The following XKR4 variants were observed in gnomAD, a reference collection of about 807,000 sequenced individuals.
The protein encoded by XKR4 is XK related 4.
Under a neutral mutation model 53.9 loss-of-function variants are expected in XKR4, and 12 were observed. The observed-to-expected ratio is 0.22, with a 90% CI of 0.14 to 0.36. The LOEUF is 0.36. Among genes scored for constraint, XKR4 ranks in the 10% least tolerant of loss-of-function variants. XKR4 has a pLI of 1.00. For missense variants in XKR4, 799 were observed against 859.5 expected (o/e 0.93, Z 0.88); for synonymous variants, 354 against 362.4 (o/e 0.98, Z 0.26).
intron 1 of XKR4, among the ~76,000 whole-genome samples, chr8:55,318,310 C>A (rs1475716565): frequency 9.2e-5 from 14 of 152,188 alleles, no homozygotes; most frequent in African/African-American, 3.4e-4. Flanking sequence ...ATAAATATCT[C>A]AAACATCAAT....
At chr8:55,165,107 G>A (rs1382708188) in intron 1 of XKR4, among the ~76,000 whole-genome samples, 1 of 152,166 alleles carries the variant, frequency 6.6e-6, no homozygotes, top group Non-Finnish European at 1.5e-5. Flanking sequence ...TGAAAATTCA[G>A]TATGCTTGTT....
Position 55,274,099 on chromosome 8 carries a change from G to A in XKR4, c.807-83579G>A, listed in dbSNP as rs750129935. ...GAAATCAGGGCATTGAGCAAGTTCA[G>A]GACCTGAAGCAAGATAAAGATGATT... On this transcript the variant is annotated intron_variant, in intron 1 of 2. Transcript: ENST00000327381. Among the ~76,000 whole-genome samples the A allele has an allele frequency of 6.6e-5, 10 of 152,184 alleles. 1 individual carries two copies. The highest frequency in any genetic ancestry group is 2.0e-4 in the Admixed American group (3 of 15,284).
chr8:55,480,319 G>C (rs1337688501), intron 2 of XKR4, among the ~76,000 whole-genome samples: 2 of 152,152 alleles, frequency 1.3e-5, no homozygotes, highest in Non-Finnish European at 2.9e-5. Context: ...TATCTCAATA[G>C]ATGCAGAAAA....
At chr8:55,242,961 A>G (rs1206309191) in intron 1 of XKR4, among the ~76,000 whole-genome samples, 1 of 152,242 alleles carries the variant, frequency 6.6e-6, no homozygotes, top group African/African-American at 2.4e-5. Context: ...TAATAAAACT[A>G]ATACCTGGGG....
chr8:55,389,726 T>C (rs1804417337), intron 2 of XKR4, among the ~76,000 whole-genome samples: 1 of 152,204 alleles, frequency 6.6e-6, no homozygotes, highest in Admixed American at 6.5e-5. Flanking sequence ...TGCCAGACTC[T>C]TGTAGTCTCA....
intron 1 of XKR4, among the ~76,000 whole-genome samples, chr8:55,250,604 C>T (rs1818350269): frequency 6.6e-6 from 1 of 152,152 alleles, no homozygotes; most frequent in African/African-American, 2.4e-5. Context: ...CCTACCTGGC[C>T]TAACTGGCTG....
intron 1 of XKR4, among the ~76,000 whole-genome samples, chr8:55,305,328 T>C (rs1475150305): frequency 6.6e-6 from 1 of 152,124 alleles, no homozygotes; most frequent in Non-Finnish European, 1.5e-5. Flanking sequence ...ATCTCATATG[T>C]GGCAGGGTGG....
At chr8:55,161,525 T>C in intron 1 of XKR4, 1 of 456,106 alleles carries the variant, frequency 2.2e-6, no homozygotes, top group South Asian at 1.5e-5. Context: ...AAGGGCAGGA[T>C]GAGCAGCGCT....
Position 55,157,677 on chromosome 8 carries a change from C to T in XKR4, c.806+54383C>T, listed in dbSNP as rs1816927072. On this transcript the variant is annotated intron_variant, in intron 1 of 2. Transcript: ENST00000327381. Reference sequence around the variant, plus strand: ...TTTTTTATTCTCACCCTCTTCCCACCCTGCACCCTCAAGTAGGCCCCAATG... The same window carrying T: ...TTTTTTATTCTCACCCTCTTCCCACTCTGCACCCTCAAGTAGGCCCCAATG... Among the ~76,000 whole-genome samples the T allele has an allele frequency of 3.3e-5, 5 of 152,060 alleles. No individual in the cohort carries two copies. The South Asian group carries it at 1.0e-3, about 32-fold the overall frequency.
chr8:55,384,486 G>A (rs932457377), intron 2 of XKR4, among the ~76,000 whole-genome samples: 4 of 152,190 alleles, frequency 2.6e-5, no homozygotes, highest in Admixed American at 2.0e-4. Context: ...CATCTGAACT[G>A]CTGAAATATT....
chr8:55,407,226 C>A (rs143015770), intron 2 of XKR4, among the ~76,000 whole-genome samples: 1 of 147,282 alleles, frequency 6.8e-6, no homozygotes, highest in South Asian at 2.1e-4. Flanking sequence ...GAACTTGGGG[C>A]CAGCCTCGCA....
intron 1 of XKR4, among the ~76,000 whole-genome samples, chr8:55,205,276 A>G (rs975036362): frequency 3.2e-4 from 48 of 152,330 alleles, no homozygotes; most frequent in African/African-American, 1.0e-3. Flanking sequence ...CAACATGCAC[A>G]TTGTACTTTC....
At chr8:55,234,680 C>T (rs1482904085) in intron 1 of XKR4, among the ~76,000 whole-genome samples, 1 of 152,180 alleles carries the variant, frequency 6.6e-6, no homozygotes, top group Admixed American at 6.5e-5. Context: ...TTTTAATAGG[C>T]ATTGTAATCT....
chr8:55,392,721 G>A (rs1344605440), intron 2 of XKR4, among the ~76,000 whole-genome samples: 1 of 152,168 alleles, frequency 6.6e-6, no homozygotes, highest in Non-Finnish European at 1.5e-5. Context: ...AGCCTAAGAA[G>A]CAGAGGTTAC....
chr8:55,305,584 A>G (rs940155199), intron 1 of XKR4, among the ~76,000 whole-genome samples: 1 of 152,202 alleles, frequency 6.6e-6, no homozygotes, highest in East Asian at 1.9e-4. Flanking sequence ...GACTTTATCT[A>G]TGTAAATTGG....
intron 1 of XKR4, among the ~76,000 whole-genome samples, chr8:55,316,556 T>C (rs902949118): frequency 8.5e-5 from 13 of 152,172 alleles, no homozygotes; most frequent in Admixed American, 7.2e-4. Flanking sequence ...TTGATTTTGG[T>C]TTAGAAAGAT....
At chr8:55,381,156 TA>T (rs1804226007) in intron 2 of XKR4, among the ~76,000 whole-genome samples, 1 of 152,204 alleles carries the variant, frequency 6.6e-6, no homozygotes, top group Non-Finnish European at 1.5e-5. Flanking sequence ...GAAAAGTAAT[TA>T]TTTTCATTTC....
chr8:55,390,169 A>G (rs1234480968), intron 2 of XKR4, among the ~76,000 whole-genome samples: 1 of 152,214 alleles, frequency 6.6e-6, no homozygotes, highest in African/African-American at 2.4e-5. Context: ...AGGTTTATTT[A>G]AAAACAAAAA....
At chr8:55,486,198 G>T (rs1806189117) in intron 2 of XKR4, among the ~76,000 whole-genome samples, 1 of 152,144 alleles carries the variant, frequency 6.6e-6, no homozygotes, top group South Asian at 2.1e-4. Context: ...ATAATTGTGT[G>T]CACCCAGCTT....
Sources: gnomAD v4.1 joint callset for allele counts (sites outside exome capture counted in the v4.1 genomes callset) on GRCh38, gnomAD v4.1.1 for gene constraint, MANE v1.5 for transcripts, NCBI Gene and HGNC (gene_info 2026-07-23, HGNC 2026-07-21) for gene names.